The following FRMPD4 variants were observed in gnomAD, a reference collection of about 807,000 sequenced individuals.
The protein encoded by FRMPD4 is FERM and PDZ domain containing 4, also known as FERM and PDZ domain-containing protein 4.
In FRMPD4, 22 loss-of-function variants were observed where a neutral mutation model predicts 94.1. The ratio of observed to expected loss-of-function variants is 0.23; its 90% CI spans 0.17 to 0.33. The LOEUF is 0.33. Among genes scored for constraint, FRMPD4 ranks in the 10% least tolerant of loss-of-function variants. The pLI is 1.00. For synonymous variants in FRMPD4, 631 were observed against 548.6 expected, an observed-to-expected ratio of 1.15 and a Z score of -2.10; for missense variants, 1,111 against 1,339.9, an observed-to-expected ratio of 0.83 and a Z score of 2.67.
At chrX:11,988,142 C>A (rs757476902) in intron 3 of FRMPD4, among the ~76,000 whole-genome samples, 11 of 111,381 alleles carry the variant, frequency 9.9e-5, no homozygotes, top group African/African-American at 3.6e-4. Flanking sequence ...CTATGCTGAG[C>A]AAAAGGAATA....
chrX:12,227,764 G>T (rs1435773178), intron 1 of FRMPD4, among the ~76,000 whole-genome samples: 1 of 109,300 alleles, frequency 9.1e-6, no homozygotes, highest in Non-Finnish European at 1.9e-5. Context: ...TTACACTACT[G>T]CACTCCAGCC....
At chrX:12,352,581 T>C (rs981310434) in intron 1 of FRMPD4, among the ~76,000 whole-genome samples, 1 of 112,579 alleles carries the variant, frequency 8.9e-6, no homozygotes, top group African/African-American at 3.2e-5. Flanking sequence ...AATGTATCTT[T>C]TTCATTGTAG....
At chrX:12,537,512 G>T (rs1039303954) in intron 2 of FRMPD4, among the ~76,000 whole-genome samples, 2 of 103,642 alleles carry the variant, frequency 1.9e-5, no homozygotes, top group African/African-American at 7.1e-5. Flanking sequence ...CAGTGCAGTG[G>T]CATAATCATG....
chrX:12,355,326 C>T (rs1428674242), intron 1 of FRMPD4, among the ~76,000 whole-genome samples: 1 of 111,004 alleles, frequency 9.0e-6, no homozygotes, highest in Non-Finnish European at 1.9e-5. Flanking sequence ...CAGGCGTGTG[C>T]CACCACTAAG....
At chrX:12,002,801 T>C (rs1316326953) in intron 3 of FRMPD4, among the ~76,000 whole-genome samples, 4 of 111,677 alleles carry the variant, frequency 3.6e-5, no homozygotes, top group Non-Finnish European at 7.5e-5. Flanking sequence ...GGTGCAAGGC[T>C]GAATATTGCA....
chrX:12,425,455 T>G lies in FRMPD4; in HGVS notation c.42-73225T>G, dbSNP rs777223384. ...TCACTATTGAGGGAATCTGCAAGCA[T>G]TACATTATAGATACAAAGTAAACTT... On this transcript the variant is annotated intron_variant, in intron 1 of 16. Transcript: ENST00000675598. Among the ~76,000 whole-genome samples, 8 of 112,284 alleles carry G rather than the reference T, an allele frequency of 7.1e-5. No homozygotes were observed. In the East Asian group the frequency reaches 1.9e-3, roughly 27 times the overall value.
At chrX:12,067,576 C>G (rs1000412225) in intron 3 of FRMPD4, among the ~76,000 whole-genome samples, 2 of 109,663 alleles carry the variant, frequency 1.8e-5, no homozygotes, top group South Asian at 8.2e-4. Flanking sequence ...CATCACCATG[C>G]CTGGCTAATT....
At chrX:12,678,835 A>G (rs2059931278) in intron 5 of FRMPD4, among the ~76,000 whole-genome samples, 1 of 112,047 alleles carries the variant, frequency 8.9e-6, no homozygotes, top group Non-Finnish European at 1.9e-5. Context: ...CAAAAAACAA[A>G]AAAGAGTTTC....
intron 3 of FRMPD4, among the ~76,000 whole-genome samples, chrX:12,109,345 G>C (rs1368519682): frequency 8.9e-6 from 1 of 111,838 alleles, no homozygotes; most frequent in Non-Finnish European, 1.9e-5. Context: ...ACAAAATGAA[G>C]GCAGAAATAA....
At chrX:12,462,203 T>G (rs769205544) in intron 1 of FRMPD4, among the ~76,000 whole-genome samples, 1 of 111,909 alleles carries the variant, frequency 8.9e-6, no homozygotes, top group East Asian at 2.8e-4. Context: ...GGAAGGATAA[T>G]GAATACAGTG....
intron 3 of FRMPD4, among the ~76,000 whole-genome samples, chrX:11,926,215 T>A (rs1283227339): frequency 1.2e-5 from 1 of 83,540 alleles, no homozygotes; most frequent in African/African-American, 5.1e-5. Flanking sequence ...AACAGACCAG[T>A]AATGAGCTCT....
In FRMPD4 at chrX:12,002,512, C is replaced by T. The variant is rs148063498; in HGVS notation, c.95+124494C>T. On this transcript the variant is annotated intron_variant, in intron 3 of 18. Transcript: ENST00000640291. ...AGTCAAAGGTGACCAAACAGCATTC[C>T]TATTTCTGTCTACCTTATGCCCAAT... Among the ~76,000 whole-genome samples the T allele has an allele frequency of 2.3e-3, 261 of 112,217 alleles. 1 individual carries two copies. The highest frequency in any genetic ancestry group is 7.3e-3 in the African/African-American group (225 of 30,923).
intron 1 of FRMPD4, among the ~76,000 whole-genome samples, chrX:12,294,036 C>G (rs1040477879): frequency 4.5e-5 from 5 of 111,714 alleles, no homozygotes; most frequent in African/African-American, 1.6e-4. Context: ...AGCTTGTGCT[C>G]TACATCAGTG....
chrX:12,408,640 A>G (rs1341167978), intron 1 of FRMPD4, among the ~76,000 whole-genome samples: 2 of 111,611 alleles, frequency 1.8e-5, no homozygotes, highest in Admixed American at 1.9e-4. Flanking sequence ...CACAGCACCC[A>G]GCCCATACTG....
chrX:11,847,999 T>A (rs1569110068), intron 1 of FRMPD4, among the ~76,000 whole-genome samples: 1 of 105,749 alleles, frequency 9.5e-6, no homozygotes, highest in African/African-American at 3.5e-5. Flanking sequence ...AACCTGCACA[T>A]TGTGCACATG....
chrX:12,394,730 G>A (rs1386338600), intron 1 of FRMPD4, among the ~76,000 whole-genome samples: 3 of 110,518 alleles, frequency 2.7e-5, no homozygotes, highest in African/African-American at 6.6e-5. Context: ...TTGTTTTATC[G>A]ATAAAGTATA....
chrX:12,095,874 G>C (rs2055196294), intron 3 of FRMPD4, among the ~76,000 whole-genome samples: 1 of 112,247 alleles, frequency 8.9e-6, no homozygotes, highest in African/African-American at 3.2e-5. Context: ...AGACCTCTCT[G>C]TTGTGCCTTA....
Position 12,704,471 on chromosome X carries a change from C to A in FRMPD4, c.1183C>A (p.Pro395Thr), listed in dbSNP as rs1180643721. Residue 395 changes from proline (P) to threonine (T), a missense_variant, in exon 11 of 17, where the codon CCA becomes ACA. By Grantham distance (38) the Pro-to-Thr change is conservative. Around this residue, in one of 8 missense-constraint regions of FRMPD4, gnomAD observed 111 missense variants for 160.7 expected, o/e 0.69. Coordinates refer to ENST00000675598, the MANE Select transcript of FRMPD4 (RefSeq NM_001368397.1). ...TGTCAAAGCAAATCAAAACTTGGTA[C>A]CACCGGGTAAAAAGGTATCACATTT... Reference protein sequence around the residue: ...HLVKANQNLVPPGKKLSALQA... With the variant: ...HLVKANQNLVTPGKKLSALQA... 1 of 1,175,317 alleles carries A rather than the reference C, an allele frequency of 8.5e-7. No homozygotes were observed. The highest frequency in any genetic ancestry group is 2.0e-5 in the South Asian group (1 of 51,255).
intron 1 of FRMPD4, among the ~76,000 whole-genome samples, chrX:12,346,767 T>C (rs2055718844): frequency 8.9e-6 from 1 of 112,047 alleles, no homozygotes; most frequent in South Asian, 3.7e-4. Context: ...AAATGGATGC[T>C]TTCATTATTT....
Sources: allele counts gnomAD v4.1 joint callset (sites outside exome capture counted in the v4.1 genomes callset), GRCh38; gene constraint gnomAD v4.1.1; regional missense constraint gnomAD v4.1.1; transcripts MANE v1.5; gene names NCBI Gene and HGNC (gene_info 2026-07-23, HGNC 2026-07-21).